TTC28: variants seen among roughly 807,000 people sequenced by gnomAD.
TTC28 encodes tetratricopeptide repeat domain 28.
A neutral mutation model predicts 198.0 loss-of-function variants in TTC28; 61 were observed. That is an observed-to-expected ratio of 0.31 (90% CI 0.25 to 0.38). TTC28 has a LOEUF of 0.38. Ranked by LOEUF, TTC28 falls within the 10% of genes least tolerant of loss-of-function variation. The probability of loss-of-function intolerance (pLI) is 1.00; values close to 1 mark genes in which losing one functional copy is unlikely to be tolerated. For synonymous variants in TTC28, 1,171 were observed against 1,297.8 expected (o/e 0.90, Z 2.10); for missense variants, 2,678 against 3,164.0 (o/e 0.85, Z 3.69).
At chr22:28,035,356 C>A (rs1391209488) in intron 12 of TTC28, among the ~76,000 whole-genome samples, 1 of 152,202 alleles carries the variant, frequency 6.6e-6, no homozygotes. Flanking sequence ...GGAAACAGAT[C>A]AAAGGCAGCA....
chr22:28,038,377 T>C (rs1341989871), intron 12 of TTC28, among the ~76,000 whole-genome samples: 1 of 152,166 alleles, frequency 6.6e-6, no homozygotes, highest in Non-Finnish European at 1.5e-5. Context: ...CATCTACAAC[T>C]ATCTGATCTT....
At chr22:28,199,383 T>TTATATATATATATATATA (rs34398046) in intron 5 of TTC28, among the ~76,000 whole-genome samples, 1 of 118,526 alleles carries the variant, frequency 8.4e-6, no homozygotes, top group Non-Finnish European at 1.7e-5. Flanking sequence ...ACATTAAAAA[T>TTATATATATATATATATA]TATATATATA....
At chr22:28,532,889 G>A (rs2049171727) in intron 2 of TTC28, among the ~76,000 whole-genome samples, 1 of 152,138 alleles carries the variant, frequency 6.6e-6, no homozygotes, top group African/African-American at 2.4e-5. Flanking sequence ...AATAAACTAG[G>A]TATTGATGGG....
chr22:28,555,432 G>A lies in TTC28; in HGVS notation c.381+74120C>T, dbSNP rs947817495. Among the ~76,000 whole-genome samples, 35 of 152,162 alleles carry A rather than the reference G, an allele frequency of 2.3e-4. 1 individual carries two copies. Among genetic ancestry groups the A allele is most frequent in the African/African-American group, 5.8e-4 (24 of 41,490 alleles). On this transcript the variant is annotated intron_variant, in intron 2 of 22. Transcript: ENST00000397906. ...GCACAATTTCTAATTGCAAAAATAC[G>A]GAACCAGCCCAAATGCCCATCAATC...
intron 2 of TTC28, among the ~76,000 whole-genome samples, chr22:28,503,171 C>G (rs895423545): frequency 3.3e-5 from 5 of 152,046 alleles, no homozygotes; most frequent in African/African-American, 9.7e-5. Flanking sequence ...CTGCATACGC[C>G]GCTCCCTCCA....
intron 12 of TTC28, among the ~76,000 whole-genome samples, chr22:28,082,077 C>T (rs764230711): frequency 2.1e-4 from 32 of 152,116 alleles, no homozygotes; most frequent in South Asian, 8.3e-4. Context: ...TGTATAGAAA[C>T]ACACTTGATT....
At chr22:28,623,137 T>C (rs1006942358) in intron 2 of TTC28, among the ~76,000 whole-genome samples, 5 of 151,972 alleles carry the variant, frequency 3.3e-5, no homozygotes, top group Admixed American at 2.0e-4. Context: ...ATAGATATTT[T>C]TTAAGAGACA....
intron 2 of TTC28, among the ~76,000 whole-genome samples, chr22:28,593,072 A>T (rs2050462909): frequency 6.6e-6 from 1 of 151,332 alleles, no homozygotes; most frequent in African/African-American, 2.5e-5. Flanking sequence ...AGCAAACATT[A>T]ATTTCATAGT....
chr22:28,364,425 T>C (rs945244014), intron 2 of TTC28, among the ~76,000 whole-genome samples: 2 of 152,170 alleles, frequency 1.3e-5, no homozygotes, highest in Non-Finnish European at 2.9e-5. Flanking sequence ...ATCAGCAGCG[T>C]GAAAATGGAT....
intron 2 of TTC28, among the ~76,000 whole-genome samples, chr22:28,606,240 T>C (rs907704078): frequency 6.6e-6 from 1 of 151,974 alleles, no homozygotes; most frequent in Non-Finnish European, 1.5e-5. Context: ...CACGCCATCA[T>C]GCATGGCTTT....
At chr22:28,648,950 A>G (rs575584171) in intron 1 of TTC28, among the ~76,000 whole-genome samples, 21 of 150,860 alleles carry the variant, frequency 1.4e-4, no homozygotes, top group East Asian at 5.9e-4. Context: ...GAGAGAGAGA[A>G]AGAAAGGAAA....
chr22:28,526,307 A>T (rs2146444378), intron 2 of TTC28, among the ~76,000 whole-genome samples: 1 of 152,280 alleles, frequency 6.6e-6, no homozygotes, highest in Non-Finnish European at 1.5e-5. Context: ...ACAGCTTTAA[A>T]TTTTTTTCGA....
intron 12 of TTC28, among the ~76,000 whole-genome samples, chr22:28,083,691 C>A: frequency 6.6e-6 from 1 of 152,206 alleles, no homozygotes; most frequent in Non-Finnish European, 1.5e-5. Context: ...GCGCACCGTG[C>A]ATGAGATGAA....
At chr22:28,622,417 G>A (rs1470773010) in intron 2 of TTC28, among the ~76,000 whole-genome samples, 1 of 152,094 alleles carries the variant, frequency 6.6e-6, no homozygotes, top group Non-Finnish European at 1.5e-5. Flanking sequence ...AACAGAGTTT[G>A]CAGTTCTAGT....
chr22:28,242,212 C>T (rs768801178), intron 5 of TTC28, among the ~76,000 whole-genome samples: 3 of 152,160 alleles, frequency 2.0e-5, no homozygotes, highest in Admixed American at 6.5e-5. Context: ...CAGCATTCCC[C>T]GGCCCTTTAC....
At chr22:28,528,881 T>C (rs1453638553) in intron 2 of TTC28, among the ~76,000 whole-genome samples, 2 of 151,888 alleles carry the variant, frequency 1.3e-5, no homozygotes, top group Non-Finnish European at 2.9e-5. Flanking sequence ...GTAAAATTAA[T>C]ATGAAAAACA....
At chr22:28,633,009 G>A (rs546520124) in intron 1 of TTC28, among the ~76,000 whole-genome samples, 76 of 151,928 alleles carry the variant, frequency 5.0e-4, no homozygotes, top group African/African-American at 4.8e-4. Flanking sequence ...GTAGGGCACC[G>A]TGGCTCACAC....
chr22:28,456,711 G>A (rs1201600003), intron 2 of TTC28, among the ~76,000 whole-genome samples: 1 of 152,128 alleles, frequency 6.6e-6, no homozygotes, highest in Non-Finnish European at 1.5e-5. Flanking sequence ...GAGTAGCTGG[G>A]ATTACAGGCG....
chr22:28,096,485 A>C, intron 10 of TTC28, 77 bp from the exon 11 acceptor site: 1 of 1,475,850 alleles, frequency 6.8e-7, no homozygotes, highest in Non-Finnish European at 9.1e-7. Flanking sequence ...GACGGCCATC[A>C]AATCCTGGGC....
Sources: allele counts gnomAD v4.1 joint callset (sites outside exome capture counted in the v4.1 genomes callset), GRCh38; gene constraint gnomAD v4.1.1; transcripts MANE v1.5; gene names NCBI Gene and HGNC (gene_info 2026-07-23, HGNC 2026-07-21).